THSD7B: variants seen among roughly 807,000 people sequenced by gnomAD.
The protein encoded by THSD7B is thrombospondin type-1 domain-containing protein 7B.
A neutral mutation model predicts 213.6 loss-of-function variants in THSD7B; 138 were observed. The ratio of observed to expected loss-of-function variants is 0.65; its 90% CI spans 0.56 to 0.74. The LOEUF is 0.74. THSD7B is among the 30% of genes least tolerant of loss of function. The pLI, the probability that THSD7B is intolerant of heterozygous loss-of-function variation, is 0.00. For missense variants in THSD7B, 1,931 were observed against 1,991.5 expected, an observed-to-expected ratio of 0.97 and a Z score of 0.58; for synonymous variants, 742 against 687.0, an observed-to-expected ratio of 1.08 and a Z score of -1.25.
intron 15 of THSD7B, among the ~76,000 whole-genome samples, chr2:137,493,661 G>T (rs1679486606): frequency 6.6e-6 from 1 of 152,192 alleles, no homozygotes; most frequent in African/African-American, 2.4e-5. Context: ...CAAAGCCACT[G>T]CAGATATAAG....
At position 137,563,305 on chromosome 2, in the gene THSD7B, G is replaced by A. The variant is rs1426592030; in HGVS notation, c.3223G>A (p.Glu1075Lys). The change falls in exon 16 of 28, where the codon GAG becomes AAG. Residue 1075 changes from glutamate (E) to lysine (K), a missense_variant. Transcript: ENST00000409968. ...CTGGTCTTCATGCAAAATCAACAAT[G>A]AGCTGAGGTCCCTGCGCTGTGGAGG... ...EHWSSCKINN[E>K]LRSLRCGGGT... is the part of the protein sequence containing the mutation. The A allele has an allele frequency of 6.2e-7, 1 of 1,613,434 alleles. No individual in the cohort carries two copies. Among genetic ancestry groups the A allele is most frequent in the Non-Finnish European group, 8.5e-7 (1 of 1,179,608 alleles).
intron 1 of THSD7B, among the ~76,000 whole-genome samples, chr2:136,880,935 T>C (rs1683611159): frequency 6.6e-6 from 1 of 152,164 alleles, no homozygotes; most frequent in Admixed American, 6.6e-5. Context: ...CATATGCCAT[T>C]CACAGCTCTT....
At chr2:137,448,500 T>G (rs2105062611) in intron 14 of THSD7B, among the ~76,000 whole-genome samples, 1 of 152,298 alleles carries the variant, frequency 6.6e-6, no homozygotes, top group South Asian at 2.1e-4. Flanking sequence ...CAGAATCATC[T>G]GAATGTGTTT....
Position 137,676,697 on chromosome 2 carries a change from A to G in THSD7B, c.*92A>G, listed in dbSNP as rs1456581630. The G allele has an allele frequency of 8.6e-7, 1 of 1,157,108 alleles. No homozygotes were observed. Among genetic ancestry groups the G allele is most frequent in the Non-Finnish European group, 1.2e-6 (1 of 837,124 alleles). 71.7% of individuals were successfully genotyped at this position (1,157,108 alleles called of 1,614,324 possible). On this transcript the variant is annotated 3_prime_UTR_variant, in exon 28 of 28. Transcript: ENST00000409968. Reference sequence around the variant, plus strand: ...CTTCTCAGTTTTTTGAGGAATCTCAAGATGTGATATATTGGGCAGAATACA... The same window carrying G: ...CTTCTCAGTTTTTTGAGGAATCTCAGGATGTGATATATTGGGCAGAATACA...
chr2:137,640,365 CTT>C (rs1682917482), intron 20 of THSD7B, among the ~76,000 whole-genome samples: 1 of 152,146 alleles, frequency 6.6e-6, no homozygotes, highest in African/African-American at 2.4e-5. Flanking sequence ...TCTAATTAAA[CTT>C]CTATTTCTTC....
chr2:137,033,139 GC>G (rs11298921), intron 2 of THSD7B, among the ~76,000 whole-genome samples: 152,352 of 152,356 alleles, frequency 1, 76,174 homozygotes, highest in Middle Eastern at 1. Flanking sequence ...AAACTCAGTG[GC>G]CCTAAAAATA....
At chr2:137,520,543 A>T (rs1267926164) in intron 15 of THSD7B, among the ~76,000 whole-genome samples, 1 of 152,218 alleles carries the variant, frequency 6.6e-6, no homozygotes, top group Non-Finnish European at 1.5e-5. Context: ...CGTTAAAAGC[A>T]CTAAATTTAT....
chr2:137,214,356 A>C (rs565400559), intron 7 of THSD7B, among the ~76,000 whole-genome samples: 25 of 152,132 alleles, frequency 1.6e-4, no homozygotes, highest in Non-Finnish European at 1.3e-4. Context: ...TAACTCTAAT[A>C]AGCATCTCTA....
In THSD7B at chr2:137,401,862, A is replaced by G. The variant is rs181707152; in HGVS notation, c.2501-3751A>G. ...CTGATTTGCTCTGCACAGCCCTGTT[A>G]ATTCAGTGAATGTGTCTTCACCATA... On this transcript the variant is annotated intron_variant, in intron 12 of 27. Transcript: ENST00000409968. Among the ~76,000 whole-genome samples, 646 of 152,284 alleles carry G rather than the reference A, an allele frequency of 4.2e-3. 6 individuals carry two copies. Among genetic ancestry groups the G allele is most frequent in the African/African-American group, 0.015 (608 of 41,570 alleles).
At chr2:137,161,550 T>G (rs1680020195) in intron 6 of THSD7B, among the ~76,000 whole-genome samples, 1 of 152,316 alleles carries the variant, frequency 6.6e-6, no homozygotes, top group Admixed American at 6.5e-5. Flanking sequence ...GGGCTTTTCC[T>G]TTCATTCTGA....
chr2:137,647,504 C>T (rs949566152), intron 21 of THSD7B, among the ~76,000 whole-genome samples: 2 of 138,862 alleles, frequency 1.4e-5, no homozygotes, highest in African/African-American at 5.3e-5. Flanking sequence ...GTCTCTTGCT[C>T]CCACCTTCAC....
At chr2:137,375,031 C>A (rs1228023331) in intron 12 of THSD7B, among the ~76,000 whole-genome samples, 1 of 152,136 alleles carries the variant, frequency 6.6e-6, no homozygotes, top group Admixed American at 6.6e-5. Context: ...AGACTTGAAG[C>A]AAATGTGTAG....
chr2:137,268,186 G>T (rs772464456), intron 10 of THSD7B, among the ~76,000 whole-genome samples: 12 of 151,858 alleles, frequency 7.9e-5, no homozygotes, highest in Non-Finnish European at 8.8e-5. Flanking sequence ...TAAGTTCTAG[G>T]GTACATGTGC....
At chr2:137,076,501 G>T (rs918461601) in intron 3 of THSD7B, among the ~76,000 whole-genome samples, 2 of 152,184 alleles carry the variant, frequency 1.3e-5, no homozygotes, top group Non-Finnish European at 2.9e-5. Flanking sequence ...CCCTTTCTTT[G>T]ACTAGGAAAG....
intron 3 of THSD7B, among the ~76,000 whole-genome samples, chr2:137,076,801 A>C (rs994198075): frequency 2.0e-5 from 3 of 151,942 alleles, no homozygotes; most frequent in African/African-American, 7.3e-5. Flanking sequence ...TTACAGATAC[A>C]GTATATTGTT....
intron 12 of THSD7B, among the ~76,000 whole-genome samples, chr2:137,330,006 G>A (rs1322010533): frequency 6.6e-6 from 1 of 152,190 alleles, no homozygotes; most frequent in Non-Finnish European, 1.5e-5. Context: ...ATGGCTAAAA[G>A]GGGCCAACAT....
intron 12 of THSD7B, among the ~76,000 whole-genome samples, chr2:137,304,665 GA>G (rs1479742529): frequency 6.6e-6 from 1 of 151,900 alleles, no homozygotes; most frequent in Non-Finnish European, 1.5e-5. Flanking sequence ...TGTTTTTCTA[GA>G]AAACTCTGTT....
intron 17 of THSD7B, among the ~76,000 whole-genome samples, chr2:137,601,445 A>G (rs1158396714): frequency 6.6e-6 from 1 of 152,182 alleles, no homozygotes; most frequent in Admixed American, 6.5e-5. Flanking sequence ...GTAATTATCT[A>G]TAGTATTTAG....
intron 14 of THSD7B, among the ~76,000 whole-genome samples, chr2:137,426,988 C>A (rs562711587): frequency 6.6e-6 from 1 of 151,804 alleles, no homozygotes. Flanking sequence ...GGCAAAGGAT[C>A]TTAGTAGACA....
Sources: gnomAD v4.1 joint callset for allele counts (sites outside exome capture counted in the v4.1 genomes callset) on GRCh38, gnomAD v4.1.1 for gene constraint, MANE v1.5 for transcripts, NCBI Gene and HGNC (gene_info 2026-07-23, HGNC 2026-07-21) for gene names.